The following ZNF311 variants were observed in gnomAD, a reference collection of about 807,000 sequenced individuals.
The protein encoded by ZNF311 is zinc finger protein 311.
A neutral mutation model predicts 22.7 loss-of-function variants in ZNF311; 14 were observed. The observed-to-expected ratio is 0.62, with a 90% CI of 0.41 to 0.96. The LOEUF is 0.96. Among genes scored for constraint, ZNF311 ranks in the 40% least tolerant of loss-of-function variants. ZNF311 has a pLI of 0.00. For synonymous variants in ZNF311, 250 were observed against 275.3 expected, an observed-to-expected ratio of 0.91 and a Z score of 0.91; for missense variants, 731 against 799.0, an observed-to-expected ratio of 0.91 and a Z score of 1.03.
chr6:28,998,890 T>C (rs1373306604), intron 5 of ZNF311, 52 bp from the exon 6 acceptor site: 1 of 1,328,398 alleles, frequency 7.5e-7, no homozygotes, highest in Non-Finnish European at 1.1e-6. Flanking sequence ...CTTAATAACT[T>C]ATAACTTAGC....
At chr6:29,001,352 C>T (rs1780426871) in intron 3 of ZNF311, among the ~76,000 whole-genome samples, 1 of 152,158 alleles carries the variant, frequency 6.6e-6, no homozygotes, top group African/African-American at 2.4e-5. Context: ...AAGCTGATTT[C>T]TTTTCACTGA....
At chr6:29,000,131 A>G in intron 3 of ZNF311, 84 bp from the exon 4 acceptor site, 1 of 1,319,816 alleles carries the variant, frequency 7.6e-7, no homozygotes, top group Non-Finnish European at 1.1e-6. Context: ...CCTCAAATGT[A>G]GAAGCTTCTG....
intron 3 of ZNF311, among the ~76,000 whole-genome samples, chr6:29,001,103 A>C (rs17399888): frequency 0.066 from 10,042 of 152,230 alleles, 438 homozygotes; most frequent in East Asian, 0.093. Context: ...ACTAATTAAT[A>C]GGGCCTGACT....
chr6:29,003,732 C>A, intron 2 of ZNF311, 138 bp from the exon 3 acceptor site: 1 of 1,394,804 alleles, frequency 7.2e-7, no homozygotes, highest in Non-Finnish European at 1.0e-6. Flanking sequence ...ATAATGGACT[C>A]AGTTCCTAAT....
At chr6:29,001,831 A>G (rs1780482543) in intron 3 of ZNF311, among the ~76,000 whole-genome samples, 2 of 152,200 alleles carry the variant, frequency 1.3e-5, no homozygotes. Flanking sequence ...AGTAAGTTGA[A>G]AGCATCAGTA....
At chr6:28,998,664 C>T (rs952617881) in intron 6 of ZNF311, 70 bp downstream of exon 6, 3 of 1,126,946 alleles carry the variant, frequency 2.7e-6, no homozygotes, top group East Asian at 2.4e-5. Context: ...TGATCCACCA[C>T]TGAGAATGTT....
intron 1 of ZNF311, 129 bp from the exon 2 acceptor site, chr6:29,004,343 C>T (rs1261242968): frequency 6.5e-6 from 3 of 462,766 alleles, no homozygotes; most frequent in Non-Finnish European, 9.6e-6. Flanking sequence ...CGGCTACCAC[C>T]CTTGTCTGAG....
In ZNF311 at chr6:29,003,595, C is replaced by A. The variant is rs930555004; in HGVS notation, c.10-1G>T. On this transcript the variant is annotated splice_acceptor_variant, in intron 2 of 6. Coordinates refer to ENST00000377179, the MANE Select transcript of ZNF311 (RefSeq NM_001382360.1). LOFTEE classifies it high-confidence loss of function. Reference sequence around the variant, plus strand: ...CTGAACTCTCATCCAACAGCACAACCTATTGCAAGACACAGAATGAATTCA... The same window carrying A: ...CTGAACTCTCATCCAACAGCACAACATATTGCAAGACACAGAATGAATTCA... 2 of 1,612,990 alleles carry A rather than the reference C, an allele frequency of 1.2e-6. No individual in the cohort carries two copies. Among genetic ancestry groups the A allele is most frequent in the Non-Finnish European group, 1.7e-6 (2 of 1,180,012 alleles).
intron 3 of ZNF311, 62 bp downstream of exon 3, chr6:29,003,451 T>C: frequency 6.6e-7 from 1 of 1,522,426 alleles, no homozygotes; most frequent in Non-Finnish European, 9.1e-7. Flanking sequence ...TTCCACCCAC[T>C]CTGTGTCCTT....
In ZNF311 at chr6:28,995,571, C is replaced by T. The variant is rs1380825127; in HGVS notation, c.1431G>A (p.Gly477=). 6.2e-7 allele frequency: 1 copy of T among 1,613,672 alleles called. No individual in the cohort carries two copies. Among genetic ancestry groups the T allele is most frequent in the East Asian group, 2.2e-5 (1 of 44,886 alleles). Residue 477 remains glycine, a synonymous_variant, in exon 7 of 7, where the codon GGG becomes GGA. Coordinates refer to ENST00000377179, the MANE Select transcript of ZNF311 (RefSeq NM_001382360.1). This position sits in a 1 kb window ranked among gnomAD's most constrained non-coding sequence, Gnocchi z 4.7. ...GCTTACAGTTATGACGAAAGGCTTTCCCACACTCCTCACACCTGTAACGTT... is the reference window on the plus strand; with the variant it reads ...GCTTACAGTTATGACGAAAGGCTTTTCCACACTCCTCACACCTGTAACGTT... The part of the protein sequence containing the change: ...EEKRYRCEEC[G]KAFRHNCKRR...
Position 28,995,589 on chromosome 6 carries a change from G to GT in ZNF311, c.1412dup (p.Tyr471Ter). 1 of 1,613,440 alleles carries GT rather than the reference G, an allele frequency of 6.2e-7. No homozygotes were observed. The change falls in exon 7 of 7, where the codon TAC becomes TAAC. Residue 471 changes from tyrosine to a stop codon, truncating the protein, a stop_gained and frameshift_variant. Coordinates refer to ENST00000377179, the MANE Select transcript of ZNF311 (RefSeq NM_001382360.1). LOFTEE classifies it low-confidence loss of function (END_TRUNC). The surrounding 1 kb of genome is among the most constrained non-coding windows in gnomAD (Gnocchi z 4.7). ...AGGCTTTCCCACACTCCTCACACCT[G>GT]TAACGTTTCTCTTCAGTGTGGATCC... ...HRRIHTEEKR[Y>*]RCEECGKAFR...
At chr6:29,005,610 T>A (rs1562358891), upstream of ZNF311, among the ~76,000 whole-genome samples, 1 of 152,076 alleles carries the variant, frequency 6.6e-6, no homozygotes, top group Non-Finnish European at 1.5e-5. Flanking sequence ...AACAGAAATA[T>A]ACAGAAGCTC....
chr6:28,996,493 CTG>C lies in ZNF311; in HGVS notation c.507_508del (p.Asn169LysfsTer6). ...ATCCCGGGAATCAACTTTTAGGAGA[CTG>C]TTAAATTTCATCCAGTAGGCTTCTC... On this transcript the variant is annotated frameshift_variant, in exon 7 of 7. Transcript: ENST00000377179. LOFTEE classifies it low-confidence loss of function (END_TRUNC). The C allele has an allele frequency of 6.2e-7, 1 of 1,607,766 alleles. No individual in the cohort carries two copies. The highest frequency in any genetic ancestry group is 8.5e-7 in the Non-Finnish European group (1 of 1,179,998).
chr6:28,998,758 C>T lies in ZNF311; in HGVS notation c.391G>A (p.Glu131Lys). 1 of 1,612,770 alleles carries T rather than the reference C, an allele frequency of 6.2e-7. No homozygotes were observed. ...CCTGGGTAGGAGCAGCTTAGGGACTCCCTGTCCTGTGGATCCTGCACACAG... is the reference window on the plus strand; with the variant it reads ...CCTGGGTAGGAGCAGCTTAGGGACTTCCTGTCCTGTGGATCCTGCACACAG... ...DPCVQDPQDR[E>K]SLSCSYPVSA... The change falls in exon 6 of 7, where the codon GAG becomes AAG. Residue 131 changes from glutamate (E) to lysine (K), a missense_variant. Coordinates refer to ENST00000377179, the MANE Select transcript of ZNF311 (RefSeq NM_001382360.1).
rs1780777570 is a variant in ZNF311, at chr6:29,003,756, T to C, written c.10-162A>G. On this transcript the variant is annotated intron_variant, in intron 2 of 6. Transcript: ENST00000377179. ...TCAGTTCCTAATACCTTATGAAAACTAGAAATGGCATCTACAACTACAAAG... is the reference window on the plus strand; with the variant it reads ...TCAGTTCCTAATACCTTATGAAAACCAGAAATGGCATCTACAACTACAAAG... 13 of 1,425,092 alleles carry C rather than the reference T, an allele frequency of 9.1e-6. No individual in the cohort carries two copies. The African/African-American group carries it at 1.6e-4, about 17-fold the overall frequency. 88.3% of individuals were successfully genotyped at this position (1,425,092 alleles called of 1,614,324 possible). A position where few individuals can be genotyped will look rare whatever the true frequency, so the allele number is the denominator to read the frequency against.
Position 29,003,598 on chromosome 6 carries a change from T to C in ZNF311, c.10-4A>G, listed in dbSNP as rs746670504. On this transcript the variant is annotated splice_region_variant and splice_polypyrimidine_tract_variant and intron_variant, in intron 2 of 6. Coordinates refer to ENST00000377179, the MANE Select transcript of ZNF311 (RefSeq NM_001382360.1). The stretch of plus-strand genomic sequence containing the variant: ...AACTCTCATCCAACAGCACAACCTA[T>C]TGCAAGACACAGAATGAATTCAGGA... 3 of 1,612,836 alleles carry C rather than the reference T, an allele frequency of 1.9e-6. No individual in the cohort carries two copies. Among genetic ancestry groups the C allele is most frequent in the Non-Finnish European group, 2.5e-6 (3 of 1,179,970 alleles).
chr6:29,003,373 T>C (rs1001584159), intron 3 of ZNF311, 140 bp downstream of exon 3: 6 of 716,992 alleles, frequency 8.4e-6, no homozygotes, highest in African/African-American at 5.3e-5. Flanking sequence ...AAGCCTCGTA[T>C]AGAAACAAAA....
Position 28,996,297 on chromosome 6 carries a change from A to G in ZNF311, c.705T>C (p.Ser235=). 1 of 1,612,950 alleles carries G rather than the reference A, an allele frequency of 6.2e-7. No individual in the cohort carries two copies. Among genetic ancestry groups the G allele is most frequent in the Non-Finnish European group, 8.5e-7 (1 of 1,180,016 alleles). The part of the protein sequence containing the change: ...SKNLNPNSKH[S]QCNKVLIAQK... ...GTGCTATAAGAACTTTATTACATTG[A>G]CTATGTTTTGAGTTTGGATTCAAGT... The change falls in exon 7 of 7, where the codon AGT becomes AGC. Residue 235 remains serine, a synonymous_variant. Transcript: ENST00000377179.
chr6:29,000,129 G>A, intron 3 of ZNF311, 82 bp from the exon 4 acceptor site: 1 of 1,333,992 alleles, frequency 7.5e-7, no homozygotes, highest in South Asian at 1.3e-5. Flanking sequence ...TTCCTCAAAT[G>A]TAGAAGCTTC....
Sources: gnomAD v4.1 joint callset for allele counts (sites outside exome capture counted in the v4.1 genomes callset) on GRCh38, gnomAD v4.1.1 for gene constraint, Gnocchi (gnomAD v3.1) non-coding constraint, MANE v1.5 for transcripts, NCBI Gene and HGNC (gene_info 2026-07-23, HGNC 2026-07-21) for gene names.